The following TDRD12 variants were observed in gnomAD, a reference collection of about 807,000 sequenced individuals.
TDRD12 encodes the protein putative ATP-dependent RNA helicase TDRD12.
Under a neutral mutation model 133.5 loss-of-function variants are expected in TDRD12, and 158 were observed. That is an observed-to-expected ratio of 1.18 (90% confidence interval 1.04 to 1.35). The LOEUF is 1.35. TDRD12 is among the 40% of genes most tolerant of loss of function. The pLI, the probability that TDRD12 is intolerant of heterozygous loss-of-function variation, is 0.00. For missense variants in TDRD12, 1,443 were observed against 1,321.3 expected, an observed-to-expected ratio of 1.09 and a Z score of -1.43; for synonymous variants, 460 against 477.9, an observed-to-expected ratio of 0.96 and a Z score of 0.49.
At chr19:32,791,740 G>T (rs1467192702) in intron 13 of TDRD12, among the ~76,000 whole-genome samples, 1 of 152,030 alleles carries the variant, frequency 6.6e-6, no homozygotes, top group Non-Finnish European at 1.5e-5. Context: ...GGAGAAATTT[G>T]AATGGCTCTA....
intron 19 of TDRD12, among the ~76,000 whole-genome samples, chr19:32,802,180 A>G (rs1971414501): frequency 1.4e-5 from 2 of 144,854 alleles, no homozygotes; most frequent in Admixed American, 1.4e-4. Context: ...TATATCATAT[A>G]TATGATAGTG....
At chr19:32,790,590 A>G in exon 12 of TDRD12, 2 of 1,551,936 alleles carry the variant, frequency 1.3e-6, no homozygotes, top group African/African-American at 1.4e-5. Context: ...GATCTCCAGC[A>G]GGTATTACAG....
At chr19:32,779,232 G>T (rs1219622371) in intron 11 of TDRD12, among the ~76,000 whole-genome samples, 1 of 152,190 alleles carries the variant, frequency 6.6e-6, no homozygotes, top group Admixed American at 6.5e-5. Context: ...GGGCAGAGGG[G>T]CACAGGGACC....
chr19:32,778,911 A>G (rs1224947776), intron 11 of TDRD12, among the ~76,000 whole-genome samples: 1 of 152,252 alleles, frequency 6.6e-6, no homozygotes, highest in African/African-American at 2.4e-5. Flanking sequence ...AACATCAGTT[A>G]TCCTGTCAGT....
intron 1 of TDRD12, among the ~76,000 whole-genome samples, chr19:32,722,315 C>T (rs1051269417): frequency 1.8e-4 from 28 of 152,100 alleles, no homozygotes; most frequent in African/African-American, 6.8e-4. Context: ...GACTTGCTGC[C>T]TCCTGTTCGC....
At chr19:32,821,161 G>T in exon 28 of TDRD12, 1 of 1,519,804 alleles carries the variant, frequency 6.6e-7, no homozygotes, top group Non-Finnish European at 8.8e-7. Context: ...GTATTCAAAA[G>T]ATGGTTAAGT....
At chr19:32,814,903 C>T (rs1967123299) in intron 25 of TDRD12, among the ~76,000 whole-genome samples, 1 of 152,210 alleles carries the variant, frequency 6.6e-6, no homozygotes, top group Non-Finnish European at 1.5e-5. Flanking sequence ...GGGACAGCCC[C>T]TCCTATACCC....
At chr19:32,754,507 G>C (rs1423521970) in intron 6 of TDRD12, among the ~76,000 whole-genome samples, 1 of 151,176 alleles carries the variant, frequency 6.6e-6, no homozygotes, top group Non-Finnish European at 1.5e-5. Flanking sequence ...AGAACCAGTC[G>C]TTTTTTTTCA....
At chr19:32,820,684 G>A (rs939988360) in intron 27 of TDRD12, among the ~76,000 whole-genome samples, 1 of 152,194 alleles carries the variant, frequency 6.6e-6, no homozygotes. Flanking sequence ...TGGTCTTTGG[G>A]AAGATGGCCC....
chr19:32,754,738 G>A (rs935050146), intron 6 of TDRD12, among the ~76,000 whole-genome samples: 2 of 139,364 alleles, frequency 1.4e-5, no homozygotes, highest in East Asian at 2.3e-4. Flanking sequence ...GTGCAATGGC[G>A]CAATCTTGGC....
exon 17 of TDRD12, chr19:32,800,247 T>C: frequency 6.5e-7 from 1 of 1,535,116 alleles, no homozygotes; most frequent in Non-Finnish European, 8.7e-7. Flanking sequence ...TTGTTGCAGT[T>C]GGAGTTCATT....
At chr19:32,812,606 G>T (rs1263092965) in intron 24 of TDRD12, among the ~76,000 whole-genome samples, 1 of 152,168 alleles carries the variant, frequency 6.6e-6, no homozygotes, top group African/African-American at 2.4e-5. Flanking sequence ...GTGCCCTACT[G>T]GGTTCTGGGG....
At chr19:32,815,644 T>G (rs1219578034) in intron 26 of TDRD12, 24 bp downstream of exon 26, 1 of 1,517,876 alleles carries the variant, frequency 6.6e-7, no homozygotes, top group Admixed American at 2.1e-5. Flanking sequence ...TGTCTCCTTT[T>G]TGGAAGAGTT....
chr19:32,791,077 G>C lies in TDRD12; in HGVS notation c.1287+9G>C, dbSNP rs1282150870. ...CAGCAGACCTGAAGAAGGTAAAAGT[G>C]CTCGTAAAACTGAATTTATCAAGAA... On this transcript the variant is annotated intron_variant, in intron 13 of 27. Transcript: ENST00000444215. 1 of 1,527,272 alleles carries C rather than the reference G, an allele frequency of 6.5e-7. No homozygotes were observed. The allele number at this position is 1,527,272 out of a possible 1,614,324, so 94.6% of individuals were successfully genotyped here. A position where few individuals can be genotyped will look rare whatever the true frequency, so the allele number is the denominator to read the frequency against.
At chr19:32,786,837 A>AAGGT (rs2145648153) in intron 11 of TDRD12, among the ~76,000 whole-genome samples, 1 of 152,094 alleles carries the variant, frequency 6.6e-6, no homozygotes, top group African/African-American at 2.4e-5. Context: ...ACCTTTTTTC[A>AAGGT]AGGTTTTTAG....
chr19:32,794,253 G>T (rs889218497), intron 13 of TDRD12, among the ~76,000 whole-genome samples: 5 of 151,704 alleles, frequency 3.3e-5, no homozygotes, highest in Non-Finnish European at 5.9e-5. Context: ...TTATAGGCAT[G>T]CACCACCACA....
chr19:32,787,800 G>A (rs767429233), intron 11 of TDRD12, among the ~76,000 whole-genome samples: 24 of 152,306 alleles, frequency 1.6e-4, no homozygotes, highest in South Asian at 1.5e-3. Context: ...TGGGAAAAGC[G>A]CAGTATTTGG....
chr19:32,772,662 G>A, intron 8 of TDRD12, 91 bp from the exon 9 acceptor site: 1 of 695,998 alleles, frequency 1.4e-6, no homozygotes, highest in Non-Finnish European at 2.3e-6. Context: ...ATTTTATAAT[G>A]GTATTTGCTT....
At chr19:32,742,943 C>T (rs1165562564) in intron 4 of TDRD12, 43 bp downstream of exon 4, 1 of 1,547,212 alleles carries the variant, frequency 6.5e-7, no homozygotes, top group African/African-American at 1.4e-5. Flanking sequence ...TAGTAAAAGC[C>T]TTCTATCAAG....
Sources: allele counts gnomAD v4.1 joint callset (sites outside exome capture counted in the v4.1 genomes callset), GRCh38; gene constraint gnomAD v4.1.1; transcripts MANE v1.5; gene names NCBI Gene and HGNC (gene_info 2026-07-23, HGNC 2026-07-21).